The following PPP2R2C variants were observed in gnomAD, a reference collection of about 807,000 sequenced individuals.
PPP2R2C encodes the protein protein phosphatase 2, regulatory subunit B, gamma.
In PPP2R2C, 10 loss-of-function variants were observed where a neutral mutation model predicts 45.3. That is an observed-to-expected ratio of 0.22 (90% CI 0.14 to 0.37). The LOEUF (loss-of-function observed/expected upper bound fraction) is 0.37. PPP2R2C is among the 10% of genes least tolerant of loss of function. PPP2R2C has a pLI of 1.00. For missense variants in PPP2R2C, 308 were observed against 619.7 expected, an observed-to-expected ratio of 0.50 and a Z score of 5.34; for synonymous variants, 257 against 245.4, an observed-to-expected ratio of 1.05 and a Z score of -0.44.
intron 2 of PPP2R2C, among the ~76,000 whole-genome samples, chr4:6,501,047 G>T (rs762385594): frequency 3.3e-5 from 5 of 152,216 alleles, no homozygotes; most frequent in Non-Finnish European, 5.9e-5. Context: ...CAACTCTGGG[G>T]GAAGAGAGAA....
intron 6 of PPP2R2C, among the ~76,000 whole-genome samples, chr4:6,346,605 G>C (rs1711966892): frequency 6.6e-6 from 1 of 152,238 alleles, no homozygotes; most frequent in African/African-American, 2.4e-5. Flanking sequence ...TGAATGCCTG[G>C]ATGGCTGAGC....
chr4:6,425,517 C>T (rs909020206), intron 1 of PPP2R2C, among the ~76,000 whole-genome samples: 1 of 152,312 alleles, frequency 6.6e-6, no homozygotes, highest in South Asian at 2.1e-4. Context: ...AGAATCAGCC[C>T]GAGAGCACAG....
chr4:6,377,302 C>T (rs879841859), intron 3 of PPP2R2C, among the ~76,000 whole-genome samples: 2 of 152,058 alleles, frequency 1.3e-5, no homozygotes, highest in African/African-American at 4.8e-5. Context: ...ATGTGTCCAC[C>T]CTGCTGGGGC....
intron 6 of PPP2R2C, among the ~76,000 whole-genome samples, chr4:6,341,195 C>T (rs1321628970): frequency 6.6e-6 from 1 of 152,094 alleles, no homozygotes; most frequent in East Asian, 1.9e-4. Context: ...TACAAAAAGT[C>T]GGGTGTGGTG....
intron 1 of PPP2R2C, among the ~76,000 whole-genome samples, chr4:6,387,906 T>A (rs982480190): frequency 6.6e-6 from 1 of 152,022 alleles, no homozygotes; most frequent in Non-Finnish European, 1.5e-5. Flanking sequence ...ATCGACCAAT[T>A]ATCATTCCTT....
chr4:6,348,584 G>A (rs1712230436), intron 5 of PPP2R2C: 1 of 928,372 alleles, frequency 1.1e-6, no homozygotes, highest in Admixed American at 6.2e-5. Flanking sequence ...AGGTTCTTCT[G>A]GGTTTCTGGG....
At chr4:6,367,028 C>A (rs920673833) in intron 5 of PPP2R2C, among the ~76,000 whole-genome samples, 8 of 151,358 alleles carry the variant, frequency 5.3e-5, no homozygotes, top group Admixed American at 2.0e-4. Flanking sequence ...GAGGGCTGGG[C>A]ACCTCTTTCC....
chr4:6,414,877 G>A (rs1011049904), intron 1 of PPP2R2C, among the ~76,000 whole-genome samples: 12 of 152,148 alleles, frequency 7.9e-5, no homozygotes, highest in Non-Finnish European at 1.0e-4. Flanking sequence ...ATCCCTAGCC[G>A]CCTGTGGATG....
At chr4:6,465,370 C>T (rs999930210) in intron 1 of PPP2R2C, among the ~76,000 whole-genome samples, 4 of 152,122 alleles carry the variant, frequency 2.6e-5, no homozygotes, top group African/African-American at 7.2e-5. Flanking sequence ...TGTAACCCCT[C>T]CCCATAGGGA....
intron 4 of PPP2R2C, among the ~76,000 whole-genome samples, chr4:6,373,901 A>ATGTG (rs60094669): frequency 0.011 from 1,572 of 146,532 alleles, 22 homozygotes; most frequent in African/African-American, 0.03. Flanking sequence ...ATGTGCATGC[A>ATGTG]TGTGTGTGTG....
intron 2 of PPP2R2C, among the ~76,000 whole-genome samples, chr4:6,517,247 G>T (rs1460776632): frequency 6.6e-6 from 1 of 152,110 alleles, no homozygotes; most frequent in African/African-American, 2.4e-5. Context: ...CACCTTGCCC[G>T]GCACCTGCCC....
At position 6,429,389 on chromosome 4, in the gene PPP2R2C, AG is replaced by A. The variant is rs201414186; in HGVS notation, c.70+42770del. On this transcript the variant is annotated intron_variant, in intron 1 of 8. Transcript: ENST00000382599. ...TGACTTTCAGGCCCTCGTACCTGGTAGGAAGACAGTAACAAAGACCAAAACT... is the reference window on the plus strand; with the variant it reads ...TGACTTTCAGGCCCTCGTACCTGGTAGAAGACAGTAACAAAGACCAAAACT... 6.9e-3 allele frequency among the ~76,000 whole-genome samples: 1,050 copies of A among 152,356 alleles called. 11 individuals carry two copies. Among genetic ancestry groups the A allele is most frequent in the African/African-American group, 0.023 (969 of 41,582 alleles).
At chr4:6,430,538 C>T (rs10010715) in intron 1 of PPP2R2C, among the ~76,000 whole-genome samples, 100,686 of 152,036 alleles carry the variant, frequency 0.66, 34,076 homozygotes, top group Non-Finnish European at 0.75. Context: ...GGAGAGTGCA[C>T]GCCTCCTCGG....
At position 6,364,755 on chromosome 4, in the gene PPP2R2C, T is replaced by G. The variant is rs1204748103; in HGVS notation, c.625+7768A>C. Among the ~76,000 whole-genome samples, 1 of 152,138 alleles carries G rather than the reference T, an allele frequency of 6.6e-6. No homozygotes were observed. The highest frequency in any genetic ancestry group is 2.4e-5 in the African/African-American group (1 of 41,424). ...TGTCTTGGGGCCAAGGTCTGAGCCCTGGCAGTCTGGCTCCTAGACCTAAGA... is the reference window on the plus strand; with the variant it reads ...TGTCTTGGGGCCAAGGTCTGAGCCCGGGCAGTCTGGCTCCTAGACCTAAGA... On this transcript the variant is annotated intron_variant, in intron 5 of 8. Coordinates refer to ENST00000382599, the MANE Select transcript of PPP2R2C (RefSeq NM_020416.4). The surrounding 1 kb of genome is among the most constrained non-coding windows in gnomAD (Gnocchi z 5.3).
chr4:6,527,709 C>T (rs753924785), intron 2 of PPP2R2C, among the ~76,000 whole-genome samples: 122 of 152,166 alleles, frequency 8.0e-4, no homozygotes, highest in Non-Finnish European at 1.5e-3. Context: ...TTTCCAGGCC[C>T]GGTGCAAAAC....
At chr4:6,475,008 A>G (rs1204418955), upstream of PPP2R2C, among the ~76,000 whole-genome samples, 4 of 152,170 alleles carry the variant, frequency 2.6e-5, no homozygotes, top group Admixed American at 2.6e-4. Flanking sequence ...ATGTTTATTG[A>G]GCATCTACTA....
chr4:6,364,778 A>G lies in PPP2R2C; in HGVS notation c.625+7745T>C, dbSNP rs957753756. ...CCTGGCAGTCTGGCTCCTAGACCTA[A>G]GAAGGGAGGCCAGTCAGGTCACCAT... On this transcript the variant is annotated intron_variant, in intron 5 of 8. Coordinates refer to ENST00000382599, the MANE Select transcript of PPP2R2C (RefSeq NM_020416.4). This position sits in a 1 kb window ranked among gnomAD's most constrained non-coding sequence, Gnocchi z 5.3. Among the ~76,000 whole-genome samples the G allele has an allele frequency of 2.2e-4, 34 of 152,054 alleles. No homozygotes were observed. Among genetic ancestry groups the G allele is most frequent in the Non-Finnish European group, 4.7e-4 (32 of 68,004 alleles).
At chr4:6,519,956 G>C (rs1723961460) in intron 2 of PPP2R2C, among the ~76,000 whole-genome samples, 1 of 152,160 alleles carries the variant, frequency 6.6e-6, no homozygotes, top group Non-Finnish European at 1.5e-5. Context: ...CCTGGGGTGA[G>C]CTGCTTTGCC....
intron 1 of PPP2R2C, among the ~76,000 whole-genome samples, chr4:6,410,548 G>A (rs145207756): frequency 8.5e-5 from 13 of 152,268 alleles, no homozygotes; most frequent in South Asian, 2.1e-4. Context: ...AGAGAGGCAC[G>A]CCAGGTGGTA....
Sources: allele counts gnomAD v4.1 joint callset (sites outside exome capture counted in the v4.1 genomes callset), GRCh38; gene constraint gnomAD v4.1.1; non-coding constraint Gnocchi (gnomAD v3.1); transcripts MANE v1.5; gene names NCBI Gene and HGNC (gene_info 2026-07-23, HGNC 2026-07-21).